Variants in ERLEC1 observed in about 807,000 individuals in gnomAD.
ERLEC1 encodes endoplasmic reticulum lectin 1.
Under a neutral mutation model 68.0 loss-of-function variants are expected in ERLEC1, and 47 were observed. The ratio of observed to expected loss-of-function variants is 0.69; its 90% CI spans 0.55 to 0.88. The LOEUF is 0.88. ERLEC1 is among the 40% of genes least tolerant of loss of function. The pLI is 0.00. For synonymous variants in ERLEC1, 225 were observed against 203.2 expected, an observed-to-expected ratio of 1.11 and a Z score of -0.91; for missense variants, 567 against 583.8, an observed-to-expected ratio of 0.97 and a Z score of 0.30.
In ERLEC1 at chr2:53,814,923, A is replaced by G. The variant is rs372299861; in HGVS notation, c.1368A>G (p.Gln456=). Residue 456 remains glutamine, a synonymous_variant, in exon 13 of 14, where the codon CAA becomes CAG. Transcript: ENST00000185150. ...ATATGCTAGAGCCTCACTCCTGTCA[A>G]TATATTCTTGGGGTAAGTTAAAAAG... ...TVYMLEPHSC[Q]YILGVESPVI... 5.8e-5 allele frequency: 93 copies of G among 1,590,504 alleles called. No individual in the cohort carries two copies. The East Asian group carries it at 1.4e-3, about 25-fold the overall frequency.
intron 10 of ERLEC1, 22 bp downstream of exon 10, chr2:53,809,295 T>G: frequency 6.8e-7 from 1 of 1,464,218 alleles, no homozygotes; most frequent in Non-Finnish European, 9.1e-7. Flanking sequence ...CATTTATATA[T>G]CATTCTACCA....
chr2:53,813,189 A>G (rs2104337432), intron 11 of ERLEC1, 116 bp downstream of exon 11: 1 of 1,271,556 alleles, frequency 7.9e-7, no homozygotes, highest in Non-Finnish European at 1.1e-6. Flanking sequence ...GTTTTTTTCA[A>G]GGGATATCTT....
intron 8 of ERLEC1, among the ~76,000 whole-genome samples, chr2:53,807,677 C>A (rs754564134): frequency 1.3e-5 from 2 of 152,164 alleles, no homozygotes; most frequent in Non-Finnish European, 2.9e-5. Flanking sequence ...AATGTAGGGA[C>A]ACAGAGCTTA....
At chr2:53,805,796 C>T (rs77421793) in intron 8 of ERLEC1, among the ~76,000 whole-genome samples, 1,967 of 152,304 alleles carry the variant, frequency 0.013, 45 homozygotes, top group African/African-American at 0.045. Context: ...TCCACACATC[C>T]TTGCCAGCAT....
chr2:53,814,738 A>G, intron 12 of ERLEC1, 118 bp downstream of exon 12: 1 of 989,174 alleles, frequency 1.0e-6, no homozygotes, highest in East Asian at 2.6e-5. Flanking sequence ...CATTTAAATT[A>G]TTGATAAAAT....
At chr2:53,810,290 C>A (rs1320610201) in intron 10 of ERLEC1, among the ~76,000 whole-genome samples, 1 of 151,940 alleles carries the variant, frequency 6.6e-6, no homozygotes, top group Non-Finnish European at 1.5e-5. Flanking sequence ...GGCAACATAG[C>A]AAAACCCCAT....
Position 53,808,308 on chromosome 2 carries a change from C to G in ERLEC1, c.889C>G (p.Gln297Glu), listed in dbSNP as rs772307370. 5.6e-6 allele frequency: 9 copies of G among 1,612,836 alleles called. No individual in the cohort carries two copies. The highest frequency in any genetic ancestry group is 5.9e-6 in the Non-Finnish European group (7 of 1,179,760). The change falls in exon 9 of 14, where the codon CAA becomes GAA. Residue 297 changes from glutamine to glutamate, a missense_variant. Physicochemically the swap from Gln to Glu is conservative, Grantham distance 29. Transcript: ENST00000185150. ...PFRRNKEEDL[Q>E]STKEERFPAI... ...GTGTGTTTAATTTTAGGAAGATTTG[C>G]AATCAACTAAAGAAGAGAGATTTCC...
intron 8 of ERLEC1, among the ~76,000 whole-genome samples, chr2:53,805,102 C>G (rs561560897): frequency 1.4e-5 from 2 of 141,418 alleles, no homozygotes; most frequent in Non-Finnish European, 3.0e-5. Flanking sequence ...TCAAGTGATT[C>G]TCCTCCAACT....
rs1253011719 is a variant in ERLEC1 at position 53,804,906 on chromosome 2, ATG to A, written c.879+3066_879+3067del. On this transcript the variant is annotated intron_variant, in intron 8 of 13. Coordinates refer to ENST00000185150, the MANE Select transcript of ERLEC1 (RefSeq NM_015701.5). ...TCCCGTAAATAAGTGAGAACATGGG[ATG>A]TTTGTTTTTCCGTGCATGGCTTATT... 6.7e-5 allele frequency among the ~76,000 whole-genome samples: 10 copies of A among 148,236 alleles called. No homozygotes were observed. In the Admixed American group the frequency reaches 6.8e-4, roughly 10 times the overall value.
intron 10 of ERLEC1, among the ~76,000 whole-genome samples, chr2:53,810,107 A>G (rs1035111395): frequency 1.3e-5 from 2 of 152,116 alleles, no homozygotes; most frequent in African/African-American, 4.8e-5. Context: ...AAAATAAATG[A>G]TAAGATCATA....
In ERLEC1 at chr2:53,787,377, G is replaced by T. The variant is rs1414572212; in HGVS notation, c.162+5G>T. On this transcript the variant is annotated splice_donor_5th_base_variant and intron_variant, in intron 1 of 13. Coordinates refer to ENST00000185150, the MANE Select transcript of ERLEC1 (RefSeq NM_015701.5). ...CCCGGCACCGAGTTCTCTCTGGTCA[G>T]TGCCCTCACTAACCCCGCAGCCACC... is the stretch of plus-strand genomic sequence containing the variant. 5.0e-6 allele frequency: 8 copies of T among 1,605,918 alleles called. No individual in the cohort carries two copies. Among genetic ancestry groups the T allele is most frequent in the Non-Finnish European group, 6.8e-6 (8 of 1,176,344 alleles).
chr2:53,809,723 A>G (rs748237618), intron 10 of ERLEC1, among the ~76,000 whole-genome samples: 2 of 152,160 alleles, frequency 1.3e-5, no homozygotes, highest in Non-Finnish European at 2.9e-5. Context: ...ACAGCACTCC[A>G]GCCAGGGTAA....
intron 8 of ERLEC1, among the ~76,000 whole-genome samples, chr2:53,806,477 G>A (rs1207127742): frequency 1.3e-5 from 2 of 152,082 alleles, no homozygotes; most frequent in Non-Finnish European, 2.9e-5. Context: ...TGAAGTAATG[G>A]CTATATTTGC....
chr2:53,797,546 A>C lies in ERLEC1; in HGVS notation c.380A>C (p.His127Pro). ...IESYWTYEVC[H>P]GKHIRQYHEE... is the part of the protein sequence containing the mutation. ...TCTTATTGGACTTACGAAGTATGTC[A>C]TGGAAAACACATTCGGCAGTACCAT... Residue 127 changes from histidine (H) to proline (P), a missense_variant, in exon 4 of 14, where the codon CAT (histidine) becomes CCT (proline). His to Pro is a moderately conservative substitution (Grantham distance 77). Coordinates refer to ENST00000185150, the MANE Select transcript of ERLEC1 (RefSeq NM_015701.5). 6.2e-7 allele frequency: 1 copy of C among 1,612,932 alleles called. No individual in the cohort carries two copies. The highest frequency in any genetic ancestry group is 1.1e-5 in the South Asian group (1 of 90,576).
In ERLEC1 at chr2:53,808,424, A is replaced by G. The variant is rs1373008067; in HGVS notation, c.1005A>G (p.Ile335Met). 1.2e-6 allele frequency: 2 copies of G among 1,614,158 alleles called. No homozygotes were observed. The highest frequency in any genetic ancestry group is 1.3e-5 in the African/African-American group (1 of 75,066). The change falls in exon 9 of 14, where the codon ATA becomes ATG. Residue 335 changes from isoleucine to methionine, a missense_variant. Physicochemically the swap from Ile to Met is conservative, Grantham distance 10. Transcript: ENST00000185150. The stretch of plus-strand genomic sequence containing the variant: ...CCAAATTGACAGATGACCAACTCAT[A>G]AAAGAGTTTCTTAGTGGTTCTTACT... ...HISKLTDDQL[I>M]KEFLSGSYCF...
chr2:53,797,190 C>G (rs2949812), intron 3 of ERLEC1, among the ~76,000 whole-genome samples: 79,485 of 152,046 alleles, frequency 0.52, 21,145 homozygotes, highest in South Asian at 0.61. Context: ...CCAGTACACC[C>G]GGCCGAGTAT....
chr2:53,808,224 A>G (rs1676402052), intron 8 of ERLEC1, 75 bp from the exon 9 acceptor site: 1 of 1,495,686 alleles, frequency 6.7e-7, no homozygotes, highest in Non-Finnish European at 9.0e-7. Flanking sequence ...GTTTAAAAAT[A>G]ATAACTTAAG....
Position 53,791,843 on chromosome 2 carries a change from G to C in ERLEC1, c.163-2502G>C, listed in dbSNP as rs1414713712. Among the ~76,000 whole-genome samples, 6 of 142,938 alleles carry C rather than the reference G, an allele frequency of 4.2e-5. No homozygotes were observed. The East Asian group carries it at 1.3e-3, about 31-fold the overall frequency. The allele number at this position is 142,938 out of a possible 152,430, so 93.8% of individuals were successfully genotyped here. A position where few individuals can be genotyped will look rare whatever the true frequency, so the allele number is the denominator to read the frequency against. On this transcript the variant is annotated intron_variant, in intron 1 of 13. Transcript: ENST00000185150. ...GTTTCTAAGAAATTCTTTATCATAA[G>C]TTTAGCTTTGCAACTGTTACTTTCA...
intron 13 of ERLEC1, 78 bp from the exon 14 acceptor site, chr2:53,817,820 C>A: frequency 1.3e-6 from 1 of 790,642 alleles, no homozygotes; most frequent in Non-Finnish European, 2.2e-6. Context: ...AATATAACTA[C>A]ATGTATCCAT....
Sources: gnomAD v4.1 joint callset for allele counts (sites outside exome capture counted in the v4.1 genomes callset) on GRCh38, gnomAD v4.1.1 for gene constraint, MANE v1.5 for transcripts, NCBI Gene and HGNC (gene_info 2026-07-23, HGNC 2026-07-21) for gene names.